The following KHDRBS2 variants were observed in gnomAD, a reference collection of about 807,000 sequenced individuals.
KHDRBS2 encodes the protein KH RNA binding domain containing, signal transduction associated 2.
A neutral mutation model predicts 44.3 loss-of-function variants in KHDRBS2; 26 were observed. The observed-to-expected ratio is 0.59, with a 90% CI of 0.43 to 0.81. KHDRBS2 has a LOEUF of 0.81. Ranked by LOEUF, KHDRBS2 falls within the 40% of genes least tolerant of loss-of-function variation. KHDRBS2 has a pLI of 0.00. For missense variants in KHDRBS2, 476 were observed against 433.1 expected (o/e 1.10, Z -0.88); for synonymous variants, 194 against 151.1 (o/e 1.28, Z -2.08).
At chr6:61,712,469 T>A (rs1770668460) in intron 7 of KHDRBS2, among the ~76,000 whole-genome samples, 1 of 151,830 alleles carries the variant, frequency 6.6e-6, no homozygotes, top group Non-Finnish European at 1.5e-5. Flanking sequence ...GAGGTAGGTG[T>A]TGTTTCAGTT....
chr6:61,636,496 T>A, the KHDRBS2 span, among the ~76,000 whole-genome samples: 3 of 152,082 alleles, frequency 2.0e-5, no homozygotes, highest in African/African-American at 4.8e-5. Flanking sequence ...ATTAACAAAA[T>A]GTATATAGGA....
chr6:62,017,942 A>T (rs2127276746), intron 3 of KHDRBS2, among the ~76,000 whole-genome samples: 1 of 152,114 alleles, frequency 6.6e-6, no homozygotes, highest in African/African-American at 2.4e-5. Context: ...TAAAAAATTT[A>T]TTCTCCACTG....
intron 2 of KHDRBS2, among the ~76,000 whole-genome samples, chr6:62,138,152 G>A (rs903988574): frequency 6.6e-6 from 1 of 152,106 alleles, no homozygotes; most frequent in South Asian, 2.1e-4. Flanking sequence ...CATATGAAAA[G>A]GCACTCAATA....
At chr6:61,910,756 T>C (rs1353018075) in intron 4 of KHDRBS2, among the ~76,000 whole-genome samples, 2 of 152,202 alleles carry the variant, frequency 1.3e-5, no homozygotes, top group African/African-American at 4.8e-5. Flanking sequence ...TCAATCACTC[T>C]TCAGGTTAAA....
rs541668764 is a variant in KHDRBS2 at position 61,689,865 on chromosome 6, A to G, written c.952+7330T>C. Among the ~76,000 whole-genome samples the G allele has an allele frequency of 5.0e-4, 76 of 152,112 alleles. No individual in the cohort carries two copies. The South Asian group carries it at 0.015, about 30-fold the overall frequency. ...CTGATTGTGAGTCATATATACATGT[A>G]TATATACAGATATACATAGATACAT... On this transcript the variant is annotated intron_variant, in intron 8 of 8. Coordinates refer to ENST00000281156, the MANE Select transcript of KHDRBS2 (RefSeq NM_152688.4).
chr6:62,103,482 A>G (rs1003288052), intron 2 of KHDRBS2, among the ~76,000 whole-genome samples: 1 of 152,156 alleles, frequency 6.6e-6, no homozygotes, highest in African/African-American at 2.4e-5. Context: ...GGGCACTGGG[A>G]GCAGAGAGAG....
intron 2 of KHDRBS2, among the ~76,000 whole-genome samples, chr6:62,073,835 T>C (rs1280086130): frequency 1.3e-5 from 2 of 151,738 alleles, no homozygotes; most frequent in African/African-American, 4.8e-5. Context: ...TTGTCAACAA[T>C]CTAAATCATG....
intron 2 of KHDRBS2, among the ~76,000 whole-genome samples, chr6:62,064,449 C>A (rs1200608930): frequency 1.3e-5 from 2 of 148,256 alleles, no homozygotes; most frequent in Non-Finnish European, 3.0e-5. Flanking sequence ...ATCAATGGAA[C>A]ACAACAGAGC....
At chr6:62,169,120 T>C (rs1472139273) in intron 2 of KHDRBS2, among the ~76,000 whole-genome samples, 2 of 138,692 alleles carry the variant, frequency 1.4e-5, no homozygotes, top group African/African-American at 2.6e-5. Flanking sequence ...TATATGTGTG[T>C]ATATATACAT....
At chr6:62,197,999 A>G (rs1288002063) in intron 1 of KHDRBS2, among the ~76,000 whole-genome samples, 1 of 152,190 alleles carries the variant, frequency 6.6e-6, no homozygotes, top group Non-Finnish European at 1.5e-5. Context: ...TGGGTAAAAA[A>G]CGAAATAAAG....
chr6:62,051,066 G>T (rs1485003633), intron 2 of KHDRBS2, among the ~76,000 whole-genome samples: 1 of 151,976 alleles, frequency 6.6e-6, no homozygotes, highest in African/African-American at 2.4e-5. Flanking sequence ...AATAATATAT[G>T]GTGTTAGACT....
At position 62,239,692 on chromosome 6, in the gene KHDRBS2, T is replaced by G. The variant is rs1834279490; in HGVS notation, c.91+46166A>C. ...TTTCTTAAACTATTTATTTATTTAT[T>G]TATTTATTTTTGAGATGGAGCCTTG... On this transcript the variant is annotated intron_variant, in intron 1 of 8. Transcript: ENST00000281156. 1.3e-5 allele frequency among the ~76,000 whole-genome samples: 2 copies of G among 152,098 alleles called. 1 individual carries two copies. The highest frequency in any genetic ancestry group is 4.1e-4 in the South Asian group (2 of 4,830).
At chr6:61,970,262 G>T (rs1771054224) in intron 4 of KHDRBS2, among the ~76,000 whole-genome samples, 1 of 151,598 alleles carries the variant, frequency 6.6e-6, no homozygotes, top group South Asian at 2.1e-4. Context: ...GTCATTTAAA[G>T]AAAAGTTTCT....
intron 1 of KHDRBS2, among the ~76,000 whole-genome samples, chr6:62,180,533 T>G (rs990319549): frequency 2.6e-5 from 4 of 151,706 alleles, no homozygotes; most frequent in African/African-American, 9.7e-5. Flanking sequence ...ATTGATGAAA[T>G]AAATCAAAGG....
intron 6 of KHDRBS2, among the ~76,000 whole-genome samples, chr6:61,872,701 A>G (rs1798833549): frequency 6.6e-6 from 1 of 152,130 alleles, no homozygotes; most frequent in African/African-American, 2.4e-5. Context: ...TATCAATTCT[A>G]TTTTTATGTG....
chr6:61,782,225 C>T (rs1180870064), intron 6 of KHDRBS2, among the ~76,000 whole-genome samples: 1 of 151,982 alleles, frequency 6.6e-6, no homozygotes, highest in African/African-American at 2.4e-5. Context: ...ATAGATGAGG[C>T]AGCAGTTATT....
chr6:62,146,973 C>A (rs1353216351), intron 2 of KHDRBS2, among the ~76,000 whole-genome samples: 1 of 151,862 alleles, frequency 6.6e-6, no homozygotes, highest in Non-Finnish European at 1.5e-5. Context: ...TATTTTTATG[C>A]CCAAACCCAT....
At chr6:61,555,232 T>C in the KHDRBS2 span, among the ~76,000 whole-genome samples, 149 of 152,350 alleles carry the variant, frequency 9.8e-4, no homozygotes, top group Non-Finnish European at 1.8e-3. Context: ...TTATTTGATC[T>C]TCACTGTGTT....
chr6:62,104,149 T>C (rs967350258), intron 2 of KHDRBS2, among the ~76,000 whole-genome samples: 7 of 152,228 alleles, frequency 4.6e-5, no homozygotes, highest in African/African-American at 1.7e-4. Flanking sequence ...CAGTAAGGTA[T>C]AAAAGACTTA....
Sources: allele counts gnomAD v4.1 joint callset (sites outside exome capture counted in the v4.1 genomes callset), GRCh38; gene constraint gnomAD v4.1.1; transcripts MANE v1.5; gene names NCBI Gene and HGNC (gene_info 2026-07-23, HGNC 2026-07-21).